Variants in EYS observed in about 807,000 individuals in gnomAD.
The protein encoded by EYS is EGF-like photoreceptor maintenance factor.
EYS carries 250 observed loss-of-function variants against 282.1 expected under a neutral mutation model. That is an observed-to-expected ratio of 0.89 (90% CI 0.80 to 0.98). EYS has a LOEUF of 0.98. Among genes scored for constraint, EYS ranks in the 50% least tolerant of loss-of-function variants. The pLI is 0.00. For synonymous variants in EYS, 1,355 were observed against 1,282.9 expected (o/e 1.06, Z -1.20); for missense variants, 4,016 against 3,709.0 (o/e 1.08, Z -2.15).
At chr6:64,419,946 G>C (rs1591803) in intron 28 of EYS, among the ~76,000 whole-genome samples, 1 of 152,038 alleles carries the variant, frequency 6.6e-6, no homozygotes, top group Non-Finnish European at 1.5e-5. Flanking sequence ...GATTCTGTGC[G>C]GGGTCTTTGA....
chr6:64,663,804 T>A (rs1769130280), intron 22 of EYS, among the ~76,000 whole-genome samples: 1 of 152,066 alleles, frequency 6.6e-6, no homozygotes, highest in Admixed American at 6.6e-5. Context: ...TGACCTGGGG[T>A]TCTTGGCCTC....
chr6:64,735,246 G>A (rs1772148481), intron 22 of EYS, among the ~76,000 whole-genome samples: 4 of 152,110 alleles, frequency 2.6e-5, no homozygotes, highest in African/African-American at 9.7e-5. Context: ...ACCATGCCTG[G>A]CTAGTTTTTC....
intron 35 of EYS, among the ~76,000 whole-genome samples, chr6:63,885,283 G>A (rs1214137994): frequency 6.6e-6 from 1 of 152,122 alleles, no homozygotes; most frequent in Middle Eastern, 3.2e-3. Flanking sequence ...GATGCTGGAT[G>A]TTCTCCATTC....
At chr6:63,902,084 G>T (rs1188868357) in intron 35 of EYS, among the ~76,000 whole-genome samples, 1 of 151,910 alleles carries the variant, frequency 6.6e-6, no homozygotes, top group East Asian at 1.9e-4. Flanking sequence ...AGTAGAGATG[G>T]GGTTTCACCA....
At position 65,184,305 on chromosome 6, in the gene EYS, G is replaced by A. The variant is rs573934983; in HGVS notation, c.2023+111558C>T. Among the ~76,000 whole-genome samples the A allele has an allele frequency of 2.1e-3, 313 of 151,962 alleles. 2 individuals are homozygous for A. Among genetic ancestry groups the A allele is most frequent in the African/African-American group, 6.9e-3 (286 of 41,524 alleles). ...CTTGCTATGCCATAACATGGCAGAA[G>A]TCATCACATGGCAGAAAGGCAAACA... is the stretch of plus-strand genomic sequence containing the variant. On this transcript the variant is annotated intron_variant, in intron 12 of 42. Transcript: ENST00000503581.
rs887259319 is a variant in EYS at position 64,881,441 on chromosome 6, T to G, written c.2992+5256A>C. ...CACTGTATTTTAATATTTTAGCATT[T>G]TTTTGTTAGCAAAGGTAATCTTATC... is the stretch of plus-strand genomic sequence containing the variant. On this transcript the variant is annotated intron_variant, in intron 19 of 42. Coordinates refer to ENST00000503581, the MANE Select transcript of EYS (RefSeq NM_001142800.2). Among the ~76,000 whole-genome samples the G allele has an allele frequency of 4.6e-5, 7 of 152,006 alleles. No homozygotes were observed. In the South Asian group the frequency reaches 6.2e-4, roughly 13 times the overall value.
chr6:64,634,077 G>A (rs1330044188), intron 22 of EYS, among the ~76,000 whole-genome samples: 3 of 152,122 alleles, frequency 2.0e-5, no homozygotes, highest in African/African-American at 7.2e-5. Flanking sequence ...TCCGCCTCCC[G>A]AGTTCAAGCA....
At chr6:64,392,770 C>G (rs1561968389) in intron 28 of EYS, among the ~76,000 whole-genome samples, 1 of 150,060 alleles carries the variant, frequency 6.7e-6, no homozygotes, top group Non-Finnish European at 1.5e-5. Flanking sequence ...CAAGAAATAA[C>G]TAAAATCAGA....
chr6:63,848,367 T>C (rs754460841), intron 36 of EYS, among the ~76,000 whole-genome samples: 6 of 152,052 alleles, frequency 3.9e-5, no homozygotes, highest in Non-Finnish European at 8.8e-5. Context: ...AAGCAGGTTT[T>C]AAATATGCCA....
intron 2 of EYS, among the ~76,000 whole-genome samples, chr6:65,533,377 G>A (rs535797231): frequency 3.3e-5 from 5 of 152,146 alleles, no homozygotes; most frequent in South Asian, 2.1e-4. Context: ...AGGCCCAGAC[G>A]GATTCACAGC....
chr6:63,992,809 T>C (rs1052765837), intron 34 of EYS, among the ~76,000 whole-genome samples: 5 of 151,760 alleles, frequency 3.3e-5, no homozygotes, highest in Admixed American at 1.3e-4. Context: ...TATTCCATGA[T>C]CATATTGTTG....
At chr6:63,901,823 C>A (rs321493) in intron 35 of EYS, among the ~76,000 whole-genome samples, 5 of 151,880 alleles carry the variant, frequency 3.3e-5, no homozygotes, top group Non-Finnish European at 5.9e-5. Flanking sequence ...TTCAGCATCC[C>A]TAATCCAAAA....
At chr6:64,296,101 T>A (rs1027059486) in intron 30 of EYS, among the ~76,000 whole-genome samples, 1 of 152,182 alleles carries the variant, frequency 6.6e-6, no homozygotes, top group Non-Finnish European at 1.5e-5. Flanking sequence ...TACATTCCAC[T>A]TTTTAACTCA....
chr6:65,460,554 T>C (rs1325958863), intron 5 of EYS, among the ~76,000 whole-genome samples: 1 of 151,994 alleles, frequency 6.6e-6, no homozygotes, highest in Non-Finnish European at 1.5e-5. Flanking sequence ...GTGTTAATAA[T>C]GGAAAAAATG....
intron 31 of EYS, among the ~76,000 whole-genome samples, chr6:64,098,327 A>T (rs1217332145): frequency 6.6e-6 from 1 of 152,208 alleles, no homozygotes; most frequent in African/African-American, 2.4e-5. Context: ...TAGAGCAGGG[A>T]AATAACTTCT....
At chr6:64,463,745 A>G (rs528369216) in intron 26 of EYS, among the ~76,000 whole-genome samples, 3 of 152,352 alleles carry the variant, frequency 2.0e-5, no homozygotes, top group African/African-American at 7.2e-5. Context: ...ATAATACCAT[A>G]GAAATATAAA....
chr6:65,169,524 C>T (rs1371119413), intron 12 of EYS, among the ~76,000 whole-genome samples: 1 of 151,284 alleles, frequency 6.6e-6, no homozygotes, highest in Non-Finnish European at 1.5e-5. Flanking sequence ...TTGGATATTC[C>T]ATTTTCCAGA....
chr6:65,351,693 G>T (rs1168835472), intron 9 of EYS, among the ~76,000 whole-genome samples: 3 of 151,722 alleles, frequency 2.0e-5, no homozygotes, highest in South Asian at 2.1e-4. Flanking sequence ...GTGCAAAAAC[G>T]ATGCAAGCAC....
At chr6:64,256,759 G>A (rs184526842) in intron 30 of EYS, among the ~76,000 whole-genome samples, 53 of 152,116 alleles carry the variant, frequency 3.5e-4, no homozygotes, top group Middle Eastern at 3.4e-3. Context: ...GGAGTGAAAG[G>A]CAGCTAGGGA....
Sources: allele counts gnomAD v4.1 joint callset (sites outside exome capture counted in the v4.1 genomes callset), GRCh38; gene constraint gnomAD v4.1.1; transcripts MANE v1.5; gene names NCBI Gene and HGNC (gene_info 2026-07-23, HGNC 2026-07-21).